BAZ1A: variants seen among roughly 807,000 people sequenced by gnomAD.
The protein encoded by BAZ1A is bromodomain adjacent to zinc finger domain protein 1A.
In BAZ1A, 50 loss-of-function variants were observed where a neutral mutation model predicts 185.2. The ratio of observed to expected loss-of-function variants is 0.27; its 90% CI spans 0.22 to 0.34. BAZ1A has a LOEUF of 0.34. Among genes scored for constraint, BAZ1A ranks in the 10% least tolerant of loss-of-function variants. The probability of loss-of-function intolerance (pLI) is 1.00; values close to 1 mark genes in which losing one functional copy is unlikely to be tolerated. For missense variants in BAZ1A, 1,356 were observed against 1,839.9 expected, an observed-to-expected ratio of 0.74 and a Z score of 4.81; for synonymous variants, 571 against 615.6, an observed-to-expected ratio of 0.93 and a Z score of 1.07.
intron 3 of BAZ1A, among the ~76,000 whole-genome samples, chr14:34,852,768 G>A (rs959483268): frequency 2.6e-5 from 4 of 152,064 alleles, no homozygotes; most frequent in Non-Finnish European, 5.9e-5. Context: ...CCTATAAGGC[G>A]GGGGGTTCAT....
At chr14:34,870,874 C>T (rs2042939215) in intron 2 of BAZ1A, among the ~76,000 whole-genome samples, 1 of 152,144 alleles carries the variant, frequency 6.6e-6, no homozygotes, top group Admixed American at 6.6e-5. Flanking sequence ...GACTTATTAA[C>T]AAGGGAGAGC....
Position 34,851,549 on chromosome 14 carries a change from T to TC in BAZ1A, c.392+10494dup, listed in dbSNP as rs2042597002. Among the ~76,000 whole-genome samples the TC allele has an allele frequency of 2.0e-5, 3 of 152,178 alleles. No individual in the cohort carries two copies. The South Asian group carries it at 6.2e-4, about 32-fold the overall frequency. On this transcript the variant is annotated intron_variant, in intron 3 of 26. Coordinates refer to ENST00000360310, the MANE Select transcript of BAZ1A (RefSeq NM_013448.3). Reference sequence around the variant, plus strand: ...CACATCTTTTTTCCTGATTTAATTCTCCAGTTCCAGGGGAGGGGACAGAAG... The same window carrying TC: ...CACATCTTTTTTCCTGATTTAATTCTCCCAGTTCCAGGGGAGGGGACAGAAG...
At chr14:34,840,896 A>C (rs2042404411) in intron 3 of BAZ1A, among the ~76,000 whole-genome samples, 1 of 152,072 alleles carries the variant, frequency 6.6e-6, no homozygotes, top group African/African-American at 2.4e-5. Context: ...CTCAAACATA[A>C]CCTTTTCTTT....
chr14:34,827,309 T>C (rs2042177857), intron 3 of BAZ1A, among the ~76,000 whole-genome samples: 1 of 152,212 alleles, frequency 6.6e-6, no homozygotes, highest in South Asian at 2.1e-4. Flanking sequence ...ATTGTGTTGT[T>C]CAGATCCTCT....
At chr14:34,775,862 T>A (rs1879564718) in intron 18 of BAZ1A, 57 bp downstream of exon 18, 3 of 1,393,338 alleles carry the variant, frequency 2.2e-6, no homozygotes, top group Non-Finnish European at 2.9e-6. Context: ...TAATCCTGAA[T>A]GACCAGAGAT....
chr14:34,753,094 A>C lies in BAZ1A; in HGVS notation c.*414T>G, dbSNP rs1321405093. ...AAAGAATGTACTCAAACAATTAATT[A>C]AGACATAAACACCTTTTCTAAACTG... is the stretch of plus-strand genomic sequence containing the variant. On this transcript the variant is annotated 3_prime_UTR_variant, in exon 27 of 27. Transcript: ENST00000360310. 1 of 157,870 alleles carries C rather than the reference A, an allele frequency of 6.3e-6. No individual in the cohort carries two copies. The allele number at this position is 157,870 out of a possible 1,614,324, so 9.8% of individuals were successfully genotyped here. A position where few individuals can be genotyped will look rare whatever the true frequency, so the allele number is the denominator to read the frequency against.
chr14:34,826,703 G>A lies in BAZ1A; in HGVS notation c.393-547C>T, dbSNP rs182759635. Among the ~76,000 whole-genome samples, 308 of 152,276 alleles carry A rather than the reference G, an allele frequency of 2.0e-3. 1 individual carries two copies. The highest frequency in any genetic ancestry group is 3.4e-3 in the Middle Eastern group (1 of 294). On this transcript the variant is annotated intron_variant, in intron 3 of 26. Coordinates refer to ENST00000360310, the MANE Select transcript of BAZ1A (RefSeq NM_013448.3). ...TAATGATTGCTAAGTTCATGTTGTT[G>A]TAGTCAGAGAATATACTTTGTATGA...
chr14:34,786,603 G>GTTTTTTTTTTTTTTTTTT lies in BAZ1A; in HGVS notation c.1511-383_1511-382insAAAAAAAAAAAAAAAAAA, dbSNP rs542523340. On this transcript the variant is annotated intron_variant, in intron 12 of 26. Transcript: ENST00000360310. ...TTAAAGATACTCCAATCTTTTATGTGTGTTTTTTTTTTTTTTTTTTTTGAG... is the reference window on the plus strand; with the variant it reads ...TTAAAGATACTCCAATCTTTTATGTGTTTTTTTTTTTTTTTTTTTGTTTTTTTTTTTTTTTTTTTTGAG... The GTTTTTTTTTTTTTTTTTT allele has an allele frequency of 2.3e-4, 25 of 106,860 alleles. 4 individuals are homozygous for GTTTTTTTTTTTTTTTTTT. The highest frequency in any genetic ancestry group is 2.6e-4 in the African/African-American group (7 of 27,010). 6.6% of individuals were successfully genotyped at this position (106,860 alleles called of 1,614,324 possible). A position where few individuals can be genotyped will look rare whatever the true frequency, so the allele number is the denominator to read the frequency against.
intron 3 of BAZ1A, among the ~76,000 whole-genome samples, chr14:34,832,853 AC>A (rs2042270216): frequency 6.6e-6 from 1 of 152,162 alleles, no homozygotes; most frequent in Admixed American, 6.6e-5. Context: ...GAACTCAGAT[AC>A]TCATACACCA....
intron 24 of BAZ1A, among the ~76,000 whole-genome samples, chr14:34,759,546 A>C (rs1472334768): frequency 5.3e-5 from 8 of 152,234 alleles, no homozygotes; most frequent in African/African-American, 1.9e-4. Flanking sequence ...AGTATTTCCT[A>C]AAGCATATCC....
intron 3 of BAZ1A, among the ~76,000 whole-genome samples, chr14:34,831,923 GCGACAGATCACACC>G (rs2138730380): frequency 6.6e-6 from 1 of 152,190 alleles, no homozygotes; most frequent in South Asian, 2.1e-4. Context: ...CTGGCTGGGT[GCGACAGATCACACC>G]TAATCCCAGC....
intron 25 of BAZ1A, among the ~76,000 whole-genome samples, chr14:34,756,148 C>G (rs1408824228): frequency 7.1e-6 from 1 of 141,774 alleles, no homozygotes; most frequent in East Asian, 2.1e-4. Context: ...GAGTCTCACT[C>G]TGTCACCCAG....
At chr14:34,845,412 A>G (rs2042494408) in intron 3 of BAZ1A, 1 of 152,056 alleles carries the variant, frequency 6.6e-6, no homozygotes, top group Non-Finnish European at 1.5e-5. Context: ...AGACAATCCC[A>G]ATTTTTAAAC....
At chr14:34,755,458 C>T (rs1247249158) in intron 25 of BAZ1A, among the ~76,000 whole-genome samples, 3 of 152,130 alleles carry the variant, frequency 2.0e-5, no homozygotes, top group African/African-American at 2.4e-5. Flanking sequence ...AAACCATCCA[C>T]CATTCACCAT....
At chr14:34,832,215 C>CACATATATATATATATATATATATATAT in intron 3 of BAZ1A, among the ~76,000 whole-genome samples, 73 of 89,596 alleles carry the variant, frequency 8.1e-4, no homozygotes, top group Admixed American at 2.9e-3. Flanking sequence ...CACACACACA[C>CACATATATATATATATATATATATATAT]ATATATATAT....
At chr14:34,794,698 AC>A in intron 11 of BAZ1A, 50 bp downstream of exon 11, 1 of 1,562,110 alleles carries the variant, frequency 6.4e-7, no homozygotes, top group Non-Finnish European at 8.7e-7. Context: ...TTTTAAAGCC[AC>A]TAATTTTAGG....
chr14:34,763,263 T>C (rs879934252), intron 23 of BAZ1A, among the ~76,000 whole-genome samples: 1 of 152,196 alleles, frequency 6.6e-6, no homozygotes, highest in Admixed American at 6.6e-5. Flanking sequence ...ACAGGGAAGA[T>C]GGCTCTTCTA....
intron 16 of BAZ1A, among the ~76,000 whole-genome samples, chr14:34,782,818 T>G (rs1880129048): frequency 6.6e-6 from 1 of 152,178 alleles, no homozygotes; most frequent in Admixed American, 6.5e-5. Flanking sequence ...CTAAATTACT[T>G]AAGGTGCTGT....
At chr14:34,790,232 G>C (rs7157311) in intron 12 of BAZ1A, among the ~76,000 whole-genome samples, 1 of 150,860 alleles carries the variant, frequency 6.6e-6, no homozygotes, top group East Asian at 2.0e-4. Flanking sequence ...GCAGTGGCAC[G>C]ATCACAGATC....
Sources: gnomAD v4.1 joint callset for allele counts (sites outside exome capture counted in the v4.1 genomes callset) on GRCh38, gnomAD v4.1.1 for gene constraint, MANE v1.5 for transcripts, NCBI Gene and HGNC (gene_info 2026-07-23, HGNC 2026-07-21) for gene names.